Variants in USP10 observed in about 807,000 individuals in gnomAD.
USP10 encodes ubiquitin carboxyl-terminal hydrolase 10.
Under a neutral mutation model 84.5 loss-of-function variants are expected in USP10, and 22 were observed. That is an observed-to-expected ratio of 0.26 (90% CI 0.19 to 0.37). USP10 has a LOEUF of 0.37. USP10 is among the 10% of genes least tolerant of loss of function. USP10 has a pLI of 1.00. For missense variants in USP10, 1,019 were observed against 998.9 expected (o/e 1.02, Z -0.27); for synonymous variants, 454 against 387.6 (o/e 1.17, Z -2.01).
At chr16:84,750,404 C>CAA (rs71151245) in intron 4 of USP10, among the ~76,000 whole-genome samples, 43,819 of 105,546 alleles carry the variant, frequency 0.42, 7,809 homozygotes, top group Admixed American at 0.59. Context: ...GAGACTGTCT[C>CAA]AAAAAAAAAA....
intron 1 of USP10, among the ~76,000 whole-genome samples, chr16:84,701,522 A>C (rs1904856482): frequency 6.6e-6 from 1 of 152,218 alleles, no homozygotes; most frequent in Non-Finnish European, 1.5e-5. Flanking sequence ...CTTAAATCCT[A>C]ATTAACTAGC....
intron 1 of USP10, among the ~76,000 whole-genome samples, chr16:84,703,664 G>C (rs749380562): frequency 6.6e-6 from 1 of 152,234 alleles, no homozygotes; most frequent in South Asian, 2.1e-4. Flanking sequence ...TTTGCATAGT[G>C]ACAGCAAGCT....
chr16:84,735,774 A>T (rs972846811), intron 2 of USP10, among the ~76,000 whole-genome samples: 6 of 152,098 alleles, frequency 3.9e-5, no homozygotes, highest in South Asian at 2.1e-4. Context: ...TGTTTTTCTT[A>T]TTTTTTAACA....
rs769206686 is a variant in USP10 at position 84,760,254 on chromosome 16, C to T, written c.1533C>T (p.Asn511=). 3 of 1,607,700 alleles carry T rather than the reference C, an allele frequency of 1.9e-6. No individual in the cohort carries two copies. The highest frequency in any genetic ancestry group is 1.7e-5 in the Admixed American group (1 of 59,176). The stretch of plus-strand genomic sequence containing the variant: ...ATATTTACAGACTCCTGACAGTTAA[C>T]AAGTCAAGCCTGTCTGAAAAGGTTT... ...PTYIYRLLTV[N]KSSLSEKGRQ... The change falls in exon 8 of 14, where the codon AAC becomes AAT. Residue 511 remains asparagine (N), a synonymous_variant. Transcript: ENST00000219473.
intron 4 of USP10, among the ~76,000 whole-genome samples, chr16:84,753,357 T>G (rs1256285736): frequency 1.3e-5 from 2 of 152,216 alleles, no homozygotes; most frequent in East Asian, 3.8e-4. Flanking sequence ...TGCTGAAAGT[T>G]GTTGGTTTTC....
intron 1 of USP10, among the ~76,000 whole-genome samples, chr16:84,707,992 C>T (rs1243425646): frequency 1.3e-5 from 2 of 152,056 alleles, no homozygotes; most frequent in African/African-American, 2.4e-5. Flanking sequence ...GTGGGAGGAT[C>T]GCTTGAACCT....
chr16:84,760,197 T>C lies in USP10; in HGVS notation c.1476T>C (p.Asp492=). Residue 492 remains aspartate, a synonymous_variant, in exon 8 of 14, where the codon GAT becomes GAC. Coordinates refer to ENST00000219473, the MANE Select transcript of USP10 (RefSeq NM_005153.3). ...CTCTTGGAGATAAAATCGTGAGGGATATTCGCCCTGGAGCTGCCTTTGAGC... is the reference window on the plus strand; with the variant it reads ...CTCTTGGAGATAAAATCGTGAGGGACATTCGCCCTGGAGCTGCCTTTGAGC... ...RQALGDKIVR[D]IRPGAAFEPT... 6.2e-7 allele frequency: 1 copy of C among 1,610,224 alleles called. No individual in the cohort carries two copies. Among genetic ancestry groups the C allele is most frequent in the South Asian group, 1.1e-5 (1 of 90,126 alleles).
At chr16:84,720,645 G>A (rs980980829) in intron 1 of USP10, among the ~76,000 whole-genome samples, 13 of 137,972 alleles carry the variant, frequency 9.4e-5, no homozygotes, top group African/African-American at 3.0e-4. Context: ...GCAGTGGTGC[G>A]ATCTTGCCTT....
chr16:84,726,051 C>T (rs1199183965), intron 1 of USP10, among the ~76,000 whole-genome samples: 1 of 152,222 alleles, frequency 6.6e-6, no homozygotes, highest in Non-Finnish European at 1.5e-5. Flanking sequence ...TCGGAAACTG[C>T]AGGTACAAAT....
At chr16:84,760,688 T>A (rs942902589) in intron 8 of USP10, among the ~76,000 whole-genome samples, 2 of 152,194 alleles carry the variant, frequency 1.3e-5, no homozygotes, top group African/African-American at 4.8e-5. Flanking sequence ...TTACAGGCTT[T>A]AGTAGCTATT....
At chr16:84,750,963 A>G (rs1911859111) in intron 4 of USP10, among the ~76,000 whole-genome samples, 1 of 152,226 alleles carries the variant, frequency 6.6e-6, no homozygotes, top group Non-Finnish European at 1.5e-5. Context: ...CAAAGTTATT[A>G]CAATTTGGGT....
At chr16:84,703,607 A>C (rs1409060549) in intron 1 of USP10, among the ~76,000 whole-genome samples, 3 of 152,254 alleles carry the variant, frequency 2.0e-5, no homozygotes, top group Non-Finnish European at 4.4e-5. Flanking sequence ...TGAAGTAAAT[A>C]CAATTGTTTG....
At chr16:84,746,577 A>G (rs1381675795) in intron 4 of USP10, among the ~76,000 whole-genome samples, 1 of 152,200 alleles carries the variant, frequency 6.6e-6, no homozygotes, top group Non-Finnish European at 1.5e-5. Flanking sequence ...TAGTACAGAT[A>G]TGGTATAAAG....
intron 4 of USP10, among the ~76,000 whole-genome samples, chr16:84,753,141 A>AT (rs1567632117): frequency 6.6e-6 from 1 of 151,430 alleles, no homozygotes; most frequent in Non-Finnish European, 1.5e-5. Context: ...TAATTTTTTT[A>AT]TTTTTTATTT....
At chr16:84,767,688 C>T (rs1313855647) in intron 10 of USP10, among the ~76,000 whole-genome samples, 2 of 152,100 alleles carry the variant, frequency 1.3e-5, no homozygotes, top group Non-Finnish European at 1.5e-5. Context: ...ATGTTTTCTT[C>T]CAGAGCACTG....
At chr16:84,751,172 G>T (rs925202908) in intron 4 of USP10, among the ~76,000 whole-genome samples, 4 of 152,214 alleles carry the variant, frequency 2.6e-5, no homozygotes, top group African/African-American at 4.8e-5. Flanking sequence ...ACAACATGCT[G>T]TACGGGTTTG....
At chr16:84,757,668 G>T (rs72797587) in intron 4 of USP10, among the ~76,000 whole-genome samples, 9,460 of 151,982 alleles carry the variant, frequency 0.062, 425 homozygotes, top group Non-Finnish European at 0.092. Flanking sequence ...TTGGTACATA[G>T]TAGGTGTATC....
intron 10 of USP10, among the ~76,000 whole-genome samples, chr16:84,766,363 T>G (rs2150862043): frequency 6.6e-6 from 1 of 152,348 alleles, no homozygotes; most frequent in South Asian, 2.1e-4. Context: ...TGGTCAGTTG[T>G]CACCTGGGAA....
intron 4 of USP10, among the ~76,000 whole-genome samples, chr16:84,757,396 G>GTAAGGGTGT (rs11373011): frequency 7.9e-6 from 1 of 127,366 alleles, no homozygotes; most frequent in Non-Finnish European, 1.6e-5. Context: ...GAATGAGAGG[G>GTAAGGGTGT]GTGGGGGTGT....
Sources: allele counts gnomAD v4.1 joint callset (sites outside exome capture counted in the v4.1 genomes callset), GRCh38; gene constraint gnomAD v4.1.1; transcripts MANE v1.5; gene names NCBI Gene and HGNC (gene_info 2026-07-23, HGNC 2026-07-21).